Variants in MAP3K20 observed in about 807,000 individuals in gnomAD.
MAP3K20 encodes the protein HCCS-4.
Under a neutral mutation model 85.7 loss-of-function variants are expected in MAP3K20, and 40 were observed. The observed-to-expected ratio is 0.47, with a 90% confidence interval of 0.36 to 0.61. The LOEUF is 0.61. MAP3K20 is among the 20% of genes least tolerant of loss of function. The pLI is 0.00. For missense variants in MAP3K20, 817 were observed against 961.7 expected (o/e 0.85, Z 1.99); for synonymous variants, 325 against 327.7 (o/e 0.99, Z 0.09).
At chr2:173,175,585 T>C (rs1690129479) in intron 3 of MAP3K20, among the ~76,000 whole-genome samples, 2 of 152,216 alleles carry the variant, frequency 1.3e-5, no homozygotes, top group African/African-American at 4.8e-5. Context: ...GTGGGCCATA[T>C]GTATGAAGTT....
At chr2:173,096,996 T>C (rs1475134338) in intron 2 of MAP3K20, among the ~76,000 whole-genome samples, 1 of 152,136 alleles carries the variant, frequency 6.6e-6, no homozygotes, top group South Asian at 2.1e-4. Flanking sequence ...AGAAAGACAT[T>C]GTGACTGCAA....
At chr2:173,207,033 T>G (rs1168983100) in intron 9 of MAP3K20, among the ~76,000 whole-genome samples, 3 of 103,334 alleles carry the variant, frequency 2.9e-5, no homozygotes, top group Non-Finnish European at 3.7e-5. Flanking sequence ...GCAATGAGGG[T>G]CGGGGGCGGG....
intron 1 of MAP3K20, among the ~76,000 whole-genome samples, chr2:173,089,230 A>G (rs552995630): frequency 1.1e-4 from 17 of 151,754 alleles, no homozygotes; most frequent in Non-Finnish European, 2.2e-4. Context: ...TAAAATGTCC[A>G]GATACCTGTC....
chr2:173,173,014 T>A (rs1306951381), intron 3 of MAP3K20, among the ~76,000 whole-genome samples: 1 of 152,072 alleles, frequency 6.6e-6, no homozygotes, highest in East Asian at 1.9e-4. Context: ...GGCAGGATAG[T>A]CTCTTGACCT....
chr2:173,075,650 C>G (rs796504149), upstream of MAP3K20: 15 of 812,204 alleles, frequency 1.8e-5, no homozygotes, highest in African/African-American at 2.8e-4. Flanking sequence ...CCCCCACGGC[C>G]CTCCCCCCAC....
chr2:173,148,988 C>T (rs1355667958), intron 2 of MAP3K20, among the ~76,000 whole-genome samples: 1 of 152,120 alleles, frequency 6.6e-6, no homozygotes, highest in Non-Finnish European at 1.5e-5. Flanking sequence ...AGCTGACTTC[C>T]TACACTGAAA....
rs917644269 is a variant in MAP3K20, at chr2:173,082,973, G to A, written c.-35+6971G>A. Among the ~76,000 whole-genome samples the A allele has an allele frequency of 2.0e-5, 3 of 152,336 alleles. No individual in the cohort carries two copies. In the South Asian group the frequency reaches 6.2e-4, roughly 32 times the overall value. On this transcript the variant is annotated intron_variant, in intron 1 of 19. Coordinates refer to ENST00000375213, the MANE Select transcript of MAP3K20 (RefSeq NM_016653.3). Reference sequence around the variant, plus strand: ...ACTTTTGGTAAGGAAGTGTGTTGTGGAAGTTGACTTTTATTAAATTACTTT... The same window carrying A: ...ACTTTTGGTAAGGAAGTGTGTTGTGAAAGTTGACTTTTATTAAATTACTTT...
At chr2:173,254,365 T>C (rs1007361211) in intron 16 of MAP3K20, among the ~76,000 whole-genome samples, 2 of 140,670 alleles carry the variant, frequency 1.4e-5, no homozygotes, top group African/African-American at 5.5e-5. Context: ...ACCTAGGGGG[T>C]GGAGCTTGCA....
chr2:173,259,398 C>G (rs1173859917), intron 17 of MAP3K20, among the ~76,000 whole-genome samples: 1 of 152,082 alleles, frequency 6.6e-6, no homozygotes, highest in African/African-American at 2.4e-5. Context: ...GCTTGCTCCT[C>G]AAAATGGAAA....
intron 2 of MAP3K20, among the ~76,000 whole-genome samples, chr2:173,100,226 C>T (rs1340235873): frequency 1.3e-5 from 2 of 152,232 alleles, no homozygotes; most frequent in African/African-American, 2.4e-5. Flanking sequence ...CATCATCACT[C>T]TACCAAGTAC....
chr2:173,262,513 T>G (rs150051661), intron 18 of MAP3K20, among the ~76,000 whole-genome samples: 6,046 of 151,828 alleles, frequency 0.04, 178 homozygotes, highest in Middle Eastern at 0.068. Flanking sequence ...GGCAGGAGAA[T>G]CGCTTGAACC....
chr2:173,080,622 T>G (rs1193345050), intron 1 of MAP3K20, among the ~76,000 whole-genome samples: 2 of 152,244 alleles, frequency 1.3e-5, no homozygotes, highest in Non-Finnish European at 2.9e-5. Flanking sequence ...TGCTTCCCAG[T>G]ACTGTTACAT....
intron 9 of MAP3K20, among the ~76,000 whole-genome samples, chr2:173,207,901 A>C (rs938050112): frequency 6.6e-6 from 1 of 152,112 alleles, no homozygotes; most frequent in Non-Finnish European, 1.5e-5. Flanking sequence ...CACTTTGATA[A>C]CCTCTATCCA....
intron 7 of MAP3K20, chr2:173,192,803 C>T (rs1690700819): frequency 1.3e-5 from 2 of 152,258 alleles, no homozygotes; most frequent in Admixed American, 6.5e-5. Flanking sequence ...AGGCACACAC[C>T]ACCTGAGAGT....
chr2:173,122,378 A>G (rs116148885), intron 2 of MAP3K20, among the ~76,000 whole-genome samples: 99 of 152,232 alleles, frequency 6.5e-4, no homozygotes, highest in Non-Finnish European at 9.7e-4. Flanking sequence ...TTGTGGGGAA[A>G]CTTGGTGTTG....
At chr2:173,220,175 T>G (rs1042062046) in intron 11 of MAP3K20, among the ~76,000 whole-genome samples, 4 of 152,110 alleles carry the variant, frequency 2.6e-5, no homozygotes, top group African/African-American at 7.2e-5. Flanking sequence ...ATTGAAACTA[T>G]GCCAAAAACA....
intron 2 of MAP3K20, among the ~76,000 whole-genome samples, chr2:173,156,283 A>T (rs556835856): frequency 6.6e-6 from 1 of 152,204 alleles, no homozygotes; most frequent in African/African-American, 2.4e-5. Flanking sequence ...GTTATTTTGG[A>T]TCTCTGTTTC....
Position 173,091,291 on chromosome 2 carries a change from G to A in MAP3K20, c.159+101G>A, listed in dbSNP as rs191074192. The A allele has an allele frequency of 5.9e-4, 746 of 1,269,280 alleles. 2 individuals are homozygous for A. The African/African-American group carries it at 9.1e-3, about 15-fold the overall frequency. 78.6% of individuals were successfully genotyped at this position (1,269,280 alleles called of 1,614,324 possible). ...CACAGGGCTGCAAGAGACCTAGCAA[G>A]GCCTTTGGGACTGATCCACGAGGCC... On this transcript the variant is annotated intron_variant, in intron 2 of 19. Coordinates refer to ENST00000375213, the MANE Select transcript of MAP3K20 (RefSeq NM_016653.3).
At chr2:173,175,344 C>G (rs1690122345) in intron 3 of MAP3K20, among the ~76,000 whole-genome samples, 1 of 152,086 alleles carries the variant, frequency 6.6e-6, no homozygotes, top group Non-Finnish European at 1.5e-5. Flanking sequence ...ATGACTGTTC[C>G]AAGTGTAAAC....
Sources: allele counts gnomAD v4.1 joint callset (sites outside exome capture counted in the v4.1 genomes callset), GRCh38; gene constraint gnomAD v4.1.1; transcripts MANE v1.5; gene names NCBI Gene and HGNC (gene_info 2026-07-23, HGNC 2026-07-21).